Variants in RFC1 observed in about 807,000 individuals in gnomAD.
RFC1 encodes replication factor C subunit 1.
In RFC1, 37 loss-of-function variants were observed where a neutral mutation model predicts 137.4. The observed-to-expected ratio is 0.27, with a 90% CI of 0.21 to 0.35. The LOEUF (loss-of-function observed/expected upper bound fraction) is 0.35. Among genes scored for constraint, RFC1 ranks in the 10% least tolerant of loss-of-function variants. The probability of loss-of-function intolerance (pLI) is 1.00; values close to 1 mark genes in which losing one functional copy is unlikely to be tolerated. For missense variants in RFC1, 1,205 were observed against 1,358.5 expected (o/e 0.89, Z 1.78); for synonymous variants, 429 against 455.7 (o/e 0.94, Z 0.75).
chr4:39,294,037 T>C (rs1225102401), intron 22 of RFC1, among the ~76,000 whole-genome samples: 1 of 152,222 alleles, frequency 6.6e-6, no homozygotes, highest in African/African-American at 2.4e-5. Context: ...ACCCTTGTGA[T>C]AACTGCACAG....
At chr4:39,317,181 C>T (rs749942199) in intron 9 of RFC1, among the ~76,000 whole-genome samples, 159 bp from the exon 10 acceptor site, 3 of 152,180 alleles carry the variant, frequency 2.0e-5, no homozygotes, top group Non-Finnish European at 2.9e-5. Flanking sequence ...AACTTACAGA[C>T]AACTGACTTA....
At chr4:39,318,835 A>G (rs2109662250) in intron 9 of RFC1, among the ~76,000 whole-genome samples, 1 of 152,360 alleles carries the variant, frequency 6.6e-6, no homozygotes, top group East Asian at 1.9e-4. Context: ...ACTGTTCTGC[A>G]CTAAAATATA....
chr4:39,327,604 G>C lies in RFC1; in HGVS notation c.484C>G (p.Pro162Ala), dbSNP rs1344726050. The stretch of plus-strand genomic sequence containing the variant: ...CCAAAATAATCAAGTACTGATGTGG[G>C]TGTAAGTTTTATTGGTGATAAAGGC... Reference protein sequence around the residue: ...NKPLSPIKLTPTSVLDYFGTG... With the variant: ...NKPLSPIKLTATSVLDYFGTG... Residue 162 changes from proline to alanine, a missense_variant, in exon 5 of 25, where the codon CCC (proline) becomes GCC (alanine). By Grantham distance (27) the Pro-to-Ala change is conservative (BLOSUM62 -1). Transcript: ENST00000349703. The C allele has an allele frequency of 1.2e-6, 2 of 1,613,494 alleles. No individual in the cohort carries two copies. Among genetic ancestry groups the C allele is most frequent in the Non-Finnish European group, 1.7e-6 (2 of 1,179,822 alleles).
Position 39,320,608 on chromosome 4 carries a change from A to G in RFC1, c.870T>C (p.Tyr290=), listed in dbSNP as rs1560604601. ...KSYSPRKQSK[Y]ESSKESQQHS... is the part of the protein sequence containing the mutation. ...GTTGCTGAGATTCTTTTGAACTTTC[A>G]TATTTACTTTGCTTCCTAGGACTGT... is the stretch of plus-strand genomic sequence containing the variant. Residue 290 remains tyrosine (Y), a synonymous_variant, in exon 9 of 25, where the codon TAT becomes TAC. Coordinates refer to ENST00000349703, the MANE Select transcript of RFC1 (RefSeq NM_002913.5). 15 of 1,612,088 alleles carry G rather than the reference A, an allele frequency of 9.3e-6. No homozygotes were observed. The highest frequency in any genetic ancestry group is 2.2e-5 in the East Asian group (1 of 44,846).
chr4:39,340,974 T>C (rs1740579643), intron 4 of RFC1, among the ~76,000 whole-genome samples: 1 of 152,146 alleles, frequency 6.6e-6, no homozygotes, highest in Non-Finnish European at 1.5e-5. Flanking sequence ...AAAGTCCAGA[T>C]AAAAAGCTGG....
At chr4:39,288,916 A>G in intron 24 of RFC1, 72 bp from the exon 25 acceptor site, 2 of 968,616 alleles carry the variant, frequency 2.1e-6, no homozygotes, top group South Asian at 1.4e-5. Flanking sequence ...CATCTCTATA[A>G]CAAATCTAAT....
intron 14 of RFC1, 68 bp downstream of exon 14, chr4:39,306,524 A>G: frequency 1.2e-6 from 1 of 808,838 alleles, no homozygotes; most frequent in East Asian, 2.5e-5. Context: ...ATGTGGGTAC[A>G]CACTTTTATC....
At chr4:39,328,385 T>C (rs1011249299) in intron 4 of RFC1, among the ~76,000 whole-genome samples, 5 of 152,162 alleles carry the variant, frequency 3.3e-5, no homozygotes, top group Non-Finnish European at 7.4e-5. Flanking sequence ...GATATACAAA[T>C]AAACAAATAT....
intron 1 of RFC1, among the ~76,000 whole-genome samples, chr4:39,356,935 G>A (rs1369920474): frequency 6.6e-6 from 1 of 152,122 alleles, no homozygotes; most frequent in Non-Finnish European, 1.5e-5. Flanking sequence ...TTCTAGCTAG[G>A]AAGAATTTTA....
chr4:39,356,590 T>C (rs1310532949), intron 1 of RFC1, among the ~76,000 whole-genome samples: 1 of 152,174 alleles, frequency 6.6e-6, no homozygotes, highest in Non-Finnish European at 1.5e-5. Flanking sequence ...CTAAGAAATT[T>C]TAAGAAGGTA....
chr4:39,322,704 A>G (rs1019167738), intron 7 of RFC1, among the ~76,000 whole-genome samples: 1 of 151,998 alleles, frequency 6.6e-6, no homozygotes, highest in Non-Finnish European at 1.5e-5. Flanking sequence ...GCTTGAGCCC[A>G]TGAGTTCGAG....
At chr4:39,313,935 T>A (rs1739104750) in intron 10 of RFC1, among the ~76,000 whole-genome samples, 2 of 152,210 alleles carry the variant, frequency 1.3e-5, no homozygotes. Context: ...AAATCTTAAT[T>A]GGAACTATGT....
chr4:39,313,870 C>T (rs1198817883), intron 10 of RFC1, among the ~76,000 whole-genome samples: 3 of 152,010 alleles, frequency 2.0e-5, no homozygotes, highest in Non-Finnish European at 4.4e-5. Context: ...AGATAACTCT[C>T]ATAATGTATA....
chr4:39,305,585 G>A (rs1006197623), intron 14 of RFC1, among the ~76,000 whole-genome samples: 6 of 152,068 alleles, frequency 3.9e-5, no homozygotes, highest in Admixed American at 3.3e-4. Flanking sequence ...TCCAGCCTGG[G>A]TGGCAGAGTA....
chr4:39,349,527 A>C (rs4975006), intron 2 of RFC1, among the ~76,000 whole-genome samples: 2 of 152,208 alleles, frequency 1.3e-5, no homozygotes, highest in Non-Finnish European at 2.9e-5. Context: ...ACGAGAAGGC[A>C]GCCATGTACA....
rs530844268 is a variant in RFC1, at chr4:39,289,637, G to C, written c.3360+211C>G. On this transcript the variant is annotated intron_variant, in intron 24 of 24. Coordinates refer to ENST00000349703, the MANE Select transcript of RFC1 (RefSeq NM_002913.5). Reference sequence around the variant, plus strand: ...AGAACATATGGCCGTCAATATCATGGCCTGTTTTCTTGCTGTTTGGCTCTT... The same window carrying C: ...AGAACATATGGCCGTCAATATCATGCCCTGTTTTCTTGCTGTTTGGCTCTT... The C allele has an allele frequency of 1.2e-3, 640 of 514,446 alleles. 1 individual carries two copies. Among genetic ancestry groups the C allele is most frequent in the Non-Finnish European group, 1.6e-3 (480 of 291,902 alleles). 31.9% of individuals were successfully genotyped at this position (514,446 alleles called of 1,614,324 possible). A position where few individuals can be genotyped will look rare whatever the true frequency, so the allele number is the denominator to read the frequency against.
At chr4:39,316,090 C>T (rs1390942217) in intron 10 of RFC1, among the ~76,000 whole-genome samples, 1 of 152,136 alleles carries the variant, frequency 6.6e-6, no homozygotes, top group East Asian at 1.9e-4. Flanking sequence ...ATTAGCCAGG[C>T]ATGGTGGCGC....
intron 5 of RFC1, among the ~76,000 whole-genome samples, chr4:39,327,275 C>T (rs995599906): frequency 7.9e-5 from 12 of 152,082 alleles, no homozygotes; most frequent in Admixed American, 6.6e-4. Context: ...AATTTAAATT[C>T]GAATAATTAT....
rs559366230 is a variant in RFC1, at chr4:39,312,668, ACT to A, written c.1383+82_1383+83del. 1.4e-4 allele frequency: 169 copies of A among 1,181,088 alleles called. No individual in the cohort carries two copies. The African/African-American group carries it at 2.4e-3, about 17-fold the overall frequency. 73.2% of individuals were successfully genotyped at this position (1,181,088 alleles called of 1,614,324 possible). ...CTTTTCTATTTCTTTCCTTCATTTAACTCTGAGTAAAGGGCAAATCACATCAA... is the reference window on the plus strand; with the variant it reads ...CTTTTCTATTTCTTTCCTTCATTTAACTGAGTAAAGGGCAAATCACATCAA... On this transcript the variant is annotated intron_variant, in intron 11 of 24. Transcript: ENST00000349703.
Sources: gnomAD v4.1 joint callset for allele counts (sites outside exome capture counted in the v4.1 genomes callset) on GRCh38, gnomAD v4.1.1 for gene constraint, MANE v1.5 for transcripts, NCBI Gene and HGNC (gene_info 2026-07-23, HGNC 2026-07-21) for gene names.